The following KIAA1210 variants were observed in gnomAD, a reference collection of about 807,000 sequenced individuals.
The protein encoded by KIAA1210 is acrosomal protein KIAA1210.
Under a neutral mutation model 78.9 loss-of-function variants are expected in KIAA1210, and 48 were observed. That is an observed-to-expected ratio of 0.61 (90% CI 0.48 to 0.77). KIAA1210 has a LOEUF of 0.77. KIAA1210 is among the 30% of genes least tolerant of loss of function. The pLI, the probability that KIAA1210 is intolerant of heterozygous loss-of-function variation, is 0.00. For synonymous variants in KIAA1210, 406 were observed against 404.5 expected, an observed-to-expected ratio of 1.00 and a Z score of -0.04; for missense variants, 1,108 against 1,100.0, an observed-to-expected ratio of 1.01 and a Z score of -0.10.
chrX:119,084,543 T>A (rs1191683579), intron 10 of KIAA1210, among the ~76,000 whole-genome samples: 1 of 111,540 alleles, frequency 9.0e-6, no homozygotes, highest in East Asian at 2.8e-4. Flanking sequence ...ACCCCAGTGA[T>A]TACCTTTAGG....
chrX:119,108,209 G>T, intron 5 of KIAA1210, 128 bp downstream of exon 5: 1 of 581,692 alleles, frequency 1.7e-6, no homozygotes. Flanking sequence ...ATGAGGAAAA[G>T]AAGGCCCAGA....
At chrX:119,147,607 C>T (rs1929198410) in intron 1 of KIAA1210, 1 of 1,207,274 alleles carries the variant, frequency 8.3e-7, no homozygotes, top group African/African-American at 1.7e-5. Flanking sequence ...TTGAAATACA[C>T]ATTATCAGGA....
Position 119,087,409 on chromosome X carries a change from A to G in KIAA1210, c.3293T>C (p.Val1098Ala). The G allele has an allele frequency of 8.3e-7, 1 of 1,211,097 alleles. No homozygotes were observed. Among genetic ancestry groups the G allele is most frequent in the African/African-American group, 1.7e-5 (1 of 57,719 alleles). ...AGGAGCTCTCTCTGAATAAGAGAAA[A>G]CTTTCTGTGGGTCTTCAGGCCTCCC... ...SLGRPEDPQK[V>A]FSYSERAPGK... Residue 1098 changes from valine to alanine, a missense_variant, in exon 9 of 12, where the codon GTT becomes GCT. By Grantham distance (64) the Val-to-Ala change is moderately conservative (BLOSUM62 0). This residue lies in a region of KIAA1210 where 179 missense variants were observed against 174.1 expected (regional missense o/e 1.03). Coordinates refer to ENST00000691062, the MANE Select transcript of KIAA1210 (RefSeq NM_001394962.1).
intron 3 of KIAA1210, among the ~76,000 whole-genome samples, chrX:119,111,498 C>T (rs1340456809): frequency 1.8e-5 from 2 of 109,492 alleles, no homozygotes; most frequent in African/African-American, 6.7e-5. Context: ...AGCAAACTAA[C>T]ACAGGAATAG....
At position 119,088,650 on chromosome X, in the gene KIAA1210, G is replaced by A. The variant is rs757715296; in HGVS notation, c.2052C>T (p.Tyr684=). Residue 684 remains tyrosine (Y), a synonymous_variant, in exon 9 of 12, where the codon TAC becomes TAT. Coordinates refer to ENST00000691062, the MANE Select transcript of KIAA1210 (RefSeq NM_001394962.1). The part of the protein sequence containing the change: ...FTESSSYVEK[Y]NTSDDCSSSE... ...AGCTGCTGCAATCATCAGAAGTGTT[G>A]TACTTTTCAACATAACTGCTTGATT... The A allele has an allele frequency of 8.3e-7, 1 of 1,211,251 alleles. No individual in the cohort carries two copies. The highest frequency in any genetic ancestry group is 2.2e-5 in the Admixed American group (1 of 46,016).
At chrX:119,141,743 T>A (rs1929054301) in intron 2 of KIAA1210, among the ~76,000 whole-genome samples, 1 of 112,370 alleles carries the variant, frequency 8.9e-6, no homozygotes, top group Non-Finnish European at 1.9e-5. Context: ...CTCAGACTAA[T>A]GCAGATCTTG....
chrX:119,082,300 A>G (rs1926990937), intron 11 of KIAA1210, among the ~76,000 whole-genome samples: 1 of 109,624 alleles, frequency 9.1e-6, no homozygotes, highest in East Asian at 2.8e-4. Flanking sequence ...AGGCCATTAA[A>G]AGCTGTGAGC....
chrX:119,089,740 G>C lies in KIAA1210; in HGVS notation c.962C>G (p.Ser321Ter), dbSNP rs1927309164. The change falls in exon 9 of 12, where the codon TCA becomes TGA. Residue 321 changes from serine to a stop codon, truncating the protein, a stop_gained. Coordinates refer to ENST00000691062, the MANE Select transcript of KIAA1210 (RefSeq NM_001394962.1). LOFTEE classifies it high-confidence loss of function. ...AGTTTTGTTGTTCTGTTTCTGGCTT[G>C]AGGAATCTGCACCAAACAGAAATAA... ...KKLGMDSADSSSQKQNNKTEM... is the reference protein window; with the variant it reads ...KKLGMDSADS 1 of 1,194,698 alleles carries C rather than the reference G, an allele frequency of 8.4e-7. No homozygotes were observed. Among genetic ancestry groups the C allele is most frequent in the Non-Finnish European group, 1.1e-6 (1 of 889,048 alleles).
At chrX:119,100,973 G>A (rs1169671754) in intron 6 of KIAA1210, among the ~76,000 whole-genome samples, 1 of 112,174 alleles carries the variant, frequency 8.9e-6, no homozygotes, top group African/African-American at 3.2e-5. Flanking sequence ...GCCCGGCCTG[G>A]TACCTACTAA....
chrX:119,093,672 C>A lies in KIAA1210; in HGVS notation c.950G>T (p.Ser317Ile), dbSNP rs890416016. 8.4e-7 allele frequency: 1 copy of A among 1,196,145 alleles called. No homozygotes were observed. Among genetic ancestry groups the A allele is most frequent in the African/African-American group, 1.7e-5 (1 of 57,447 alleles). Residue 317 changes from serine to isoleucine, a missense_variant, in exon 8 of 12, where the codon AGT (serine) becomes ATT (isoleucine). By Grantham distance (142) the Ser-to-Ile change is moderately radical. Transcript: ENST00000691062. ...EINEKKLGMD[S>I]ADSSSQKQNN... is the part of the protein sequence containing the mutation. ...GAGGGTGAAGATATGCTAACCTGCA[C>A]TGTCCATTCCCAGCTTCTTTTCGTT...
At chrX:119,130,956 C>A (rs770412371), upstream of KIAA1210, among the ~76,000 whole-genome samples, 1 of 110,770 alleles carries the variant, frequency 9.0e-6, no homozygotes, top group Non-Finnish European at 1.9e-5. Context: ...GAGGGTTGAA[C>A]AAGGGTTTTG....
intron 3 of KIAA1210, among the ~76,000 whole-genome samples, chrX:119,113,422 T>C (rs1001064077): frequency 9.0e-6 from 1 of 111,705 alleles, no homozygotes; most frequent in Non-Finnish European, 1.9e-5. Context: ...CTTGAAAACA[T>C]AGTAAGTGAA....
intron 2 of KIAA1210, among the ~76,000 whole-genome samples, chrX:119,135,282 C>T (rs767074120): frequency 8.9e-6 from 1 of 111,959 alleles, no homozygotes; most frequent in Non-Finnish European, 1.9e-5. Context: ...TTACATGACC[C>T]GAAAATAGAA....
upstream of KIAA1210, among the ~76,000 whole-genome samples, chrX:119,129,797 A>G (rs983446690): frequency 1.8e-5 from 2 of 111,171 alleles, no homozygotes; most frequent in Non-Finnish European, 3.8e-5. Context: ...AGATGTTTCA[A>G]TAAAAGAAAC....
At chrX:119,124,750 A>G (rs1229331147) in intron 1 of KIAA1210, among the ~76,000 whole-genome samples, 2 of 111,173 alleles carry the variant, frequency 1.8e-5, no homozygotes, top group African/African-American at 6.6e-5. Flanking sequence ...ATAGCTGGGC[A>G]TTGTGGCATG....
intron 8 of KIAA1210, among the ~76,000 whole-genome samples, chrX:119,093,378 G>A (rs1927449712): frequency 3.6e-5 from 4 of 112,349 alleles, no homozygotes; most frequent in Non-Finnish European, 1.9e-5. Context: ...GCCTCGGAGA[G>A]GATGAAACAA....
chrX:119,145,424 G>A (rs1603273587), intron 2 of KIAA1210, among the ~76,000 whole-genome samples: 1 of 106,842 alleles, frequency 9.4e-6, no homozygotes, highest in Non-Finnish European at 1.9e-5. Context: ...ATGTCCCCTG[G>A]GGAGCAAAAT....
chrX:119,088,859 C>T lies in KIAA1210; in HGVS notation c.1843G>A (p.Asp615Asn). Reference protein sequence around the residue: ...SDSENIPEEGDGSEELAHGHS... With the variant: ...SDSENIPEEGNGSEELAHGHS... ...CCATGAGCCAGTTCTTCAGAACCAT[C>T]CCCCTCCTCAGGAATATTCTCTGAA... Residue 615 changes from aspartate (D) to asparagine (N), a missense_variant, in exon 9 of 12, where the codon GAT becomes AAT. Around this residue, in one of 5 missense-constraint regions of KIAA1210, gnomAD observed 672 missense variants for 607.1 expected, o/e 1.11. Coordinates refer to ENST00000691062, the MANE Select transcript of KIAA1210 (RefSeq NM_001394962.1). 1 of 1,211,171 alleles carries T rather than the reference C, an allele frequency of 8.3e-7. No individual in the cohort carries two copies. The highest frequency in any genetic ancestry group is 1.1e-6 in the Non-Finnish European group (1 of 895,246).
chrX:119,090,985 T>C (rs1229020898), intron 8 of KIAA1210, among the ~76,000 whole-genome samples: 1 of 111,746 alleles, frequency 8.9e-6, no homozygotes, highest in Non-Finnish European at 1.9e-5. Flanking sequence ...AAGGAACTCA[T>C]ACAGAGTCTT....
Sources: allele counts gnomAD v4.1 joint callset (sites outside exome capture counted in the v4.1 genomes callset), GRCh38; gene constraint gnomAD v4.1.1; regional missense constraint gnomAD v4.1.1; transcripts MANE v1.5; gene names NCBI Gene and HGNC (gene_info 2026-07-23, HGNC 2026-07-21).